NPFFR1: variants seen among roughly 807,000 people sequenced by gnomAD.
The protein encoded by NPFFR1 is neuropeptide FF receptor 1.
Under a neutral mutation model 12.7 loss-of-function variants are expected in NPFFR1, and 17 were observed. The observed-to-expected ratio is 1.34, with a 90% CI of 0.92 to 2.01. The LOEUF is 2.01. NPFFR1 is among the 30% of genes most tolerant of loss of function. The pLI, the probability that NPFFR1 is intolerant of heterozygous loss-of-function variation, is 0.00. For synonymous variants in NPFFR1, 296 were observed against 264.5 expected (o/e 1.12, Z -1.16); for missense variants, 604 against 606.5 (o/e 1.00, Z 0.04).
chr10:70,276,803 T>C (rs943642160), intron 1 of NPFFR1, among the ~76,000 whole-genome samples: 2 of 152,070 alleles, frequency 1.3e-5, no homozygotes, highest in Admixed American at 1.3e-4. Context: ...GCCAGGCTGG[T>C]CTCAAACTCC....
At chr10:70,278,994 T>TTGAGA in intron 1 of NPFFR1, among the ~76,000 whole-genome samples, 1 of 152,226 alleles carries the variant, frequency 6.6e-6, no homozygotes, top group Non-Finnish European at 1.5e-5. Context: ...AATTTATAAT[T>TTGAGA]ATATAAATTT....
chr10:70,268,053 C>A (rs1840714503), intron 1 of NPFFR1, among the ~76,000 whole-genome samples: 1 of 152,046 alleles, frequency 6.6e-6, no homozygotes, highest in Non-Finnish European at 1.5e-5. Context: ...TAAACATATA[C>A]AAGAGTATAA....
intron 2 of NPFFR1, among the ~76,000 whole-genome samples, chr10:70,265,535 C>T (rs1350091074): frequency 1.3e-5 from 2 of 152,168 alleles, no homozygotes; most frequent in African/African-American, 4.8e-5. Context: ...GCAGGACTCT[C>T]TTCTGTGCCC....
Position 70,255,557 on chromosome 10 carries a change from GA to G in NPFFR1, c.692del (p.Leu231ProfsTer229). 2 of 1,550,784 alleles carry G rather than the reference GA, an allele frequency of 1.3e-6. No individual in the cohort carries two copies. Among genetic ancestry groups the G allele is most frequent in the African/African-American group, 2.7e-5 (2 of 73,186 alleles). On this transcript the variant is annotated frameshift_variant, in exon 4 of 4. Transcript: ENST00000277942. LOFTEE classifies it low-confidence loss of function (END_TRUNC). This position sits in a 1 kb window ranked among gnomAD's most constrained non-coding sequence, Gnocchi z 4.2. Reference protein sequence around the residue: ...FSHIYLAPLALIVVMYARIAR... With the variant: ...FSHIYLAPLAXIVVMYARIAR... The stretch of plus-strand genomic sequence containing the variant: ...CGATGCGGGCGTACATGACCACGAT[GA>G]GCGCCAGCGGCGCCAGGTAGATGTG...
chr10:70,279,828 T>C (rs1002507574), intron 1 of NPFFR1, among the ~76,000 whole-genome samples: 1 of 152,164 alleles, frequency 6.6e-6, no homozygotes. Context: ...GCAATAGAAT[T>C]CAAAAAAAGA....
At chr10:70,257,744 A>G (rs577865152) in intron 3 of NPFFR1, among the ~76,000 whole-genome samples, 5 of 152,370 alleles carry the variant, frequency 3.3e-5, no homozygotes, top group South Asian at 2.1e-4. Flanking sequence ...TGAATGTCTC[A>G]GTATAAAACC....
intron 3 of NPFFR1, among the ~76,000 whole-genome samples, chr10:70,258,177 C>T (rs528203735): frequency 5.3e-5 from 8 of 152,216 alleles, no homozygotes; most frequent in African/African-American, 1.7e-4. Flanking sequence ...TCATCCCACC[C>T]GACTTGAAAT....
rs1840477295 is a variant in NPFFR1 at position 70,248,489 on chromosome 10, T to TTTTTTTTTTTG, written c.*6467_*6468insCAAAAAAAAAA. On this transcript the variant is annotated 3_prime_UTR_variant, in exon 4 of 4. Transcript: ENST00000277942. ...GGCGTTTTTTTTTTGTTTTTTGTTT[T>TTTTTTTTTTTG]TTTTTTTTTTTTTTGAGATGGAGTC... The TTTTTTTTTTTG allele has an allele frequency of 1.7e-4, 19 of 113,878 alleles. No homozygotes were observed. The highest frequency in any genetic ancestry group is 4.3e-4 in the Admixed American group (4 of 9,322). The allele number at this position is 113,878 out of a possible 1,614,324, so 7.1% of individuals were successfully genotyped here.
At position 70,273,292 on chromosome 10, in the gene NPFFR1, C is replaced by G. The variant is rs371388122; in HGVS notation, c.8-6901G>C. 1.2e-4 allele frequency among the ~76,000 whole-genome samples: 19 copies of G among 152,302 alleles called. No homozygotes were observed. The South Asian group carries it at 3.7e-3, about 30-fold the overall frequency. ...TTCCATGTGTAGCCGGATTTGAGAA[C>G]CACTGAACCATACAGCCCCTGCCCT... On this transcript the variant is annotated intron_variant, in intron 1 of 3. Transcript: ENST00000277942.
intron 1 of NPFFR1, among the ~76,000 whole-genome samples, chr10:70,276,432 G>T (rs1309484303): frequency 6.6e-6 from 1 of 152,078 alleles, no homozygotes; most frequent in African/African-American, 2.4e-5. Flanking sequence ...ATAACAAAGC[G>T]CTGTGTCTCT....
At chr10:70,271,494 C>T (rs1351518281) in intron 1 of NPFFR1, among the ~76,000 whole-genome samples, 1 of 152,048 alleles carries the variant, frequency 6.6e-6, no homozygotes, top group African/African-American at 2.4e-5. Context: ...GCCTGGCTGA[C>T]AGATCAAGAC....
At chr10:70,263,440 T>C (rs1345505440) in intron 2 of NPFFR1, among the ~76,000 whole-genome samples, 1 of 152,070 alleles carries the variant, frequency 6.6e-6, no homozygotes, top group Non-Finnish European at 1.5e-5. Context: ...GCCCGGCTAA[T>C]TTTTTGTATT....
chr10:70,247,448 GACC>G lies in NPFFR1; in HGVS notation c.*7506_*7508del, dbSNP rs1840461258. 6.6e-6 allele frequency: 1 copy of G among 152,144 alleles called. No homozygotes were observed. The highest frequency in any genetic ancestry group is 6.5e-5 in the Admixed American group (1 of 15,270). The allele number at this position is 152,144 out of a possible 1,614,324, so 9.4% of individuals were successfully genotyped here. On this transcript the variant is annotated 3_prime_UTR_variant, in exon 4 of 4. Transcript: ENST00000277942. Reference sequence around the variant, plus strand: ...ATGATCATTAGAGGTGGCTTCGGAGGACCACGAGACAGCACTATGGACAAACAA... The same window carrying G: ...ATGATCATTAGAGGTGGCTTCGGAGGACGAGACAGCACTATGGACAAACAA...
At chr10:70,273,396 G>A (rs2151832) in intron 1 of NPFFR1, among the ~76,000 whole-genome samples, 151,574 of 152,318 alleles carry the variant, frequency 1, 75,420 homozygotes, top group East Asian at 1. Context: ...ATGCATTTTG[G>A]TTCCTTCACA....
rs922609243 is a variant in NPFFR1 at position 70,253,889 on chromosome 10, G to A, written c.*1068C>T. ...AGCCAGAGTAAACAGGGCTCTCCTG[G>A]TACCTCCTTAGAGTACACAAGTCAT... On this transcript the variant is annotated 3_prime_UTR_variant, in exon 4 of 4. Coordinates refer to ENST00000277942, the MANE Select transcript of NPFFR1 (RefSeq NM_022146.5). 2.1e-4 allele frequency: 32 copies of A among 152,222 alleles called. No individual in the cohort carries two copies. The highest frequency in any genetic ancestry group is 7.2e-4 in the African/African-American group (30 of 41,412). 9.4% of individuals were successfully genotyped at this position (152,222 alleles called of 1,614,324 possible). A position where few individuals can be genotyped will look rare whatever the true frequency, so the allele number is the denominator to read the frequency against.
At chr10:70,272,025 G>A (rs900325766) in intron 1 of NPFFR1, among the ~76,000 whole-genome samples, 2 of 151,814 alleles carry the variant, frequency 1.3e-5, no homozygotes, top group Non-Finnish European at 2.9e-5. Flanking sequence ...GCTGAGGCAG[G>A]AGAGTCGCCT....
At chr10:70,267,807 G>A (rs1352106816) in intron 1 of NPFFR1, among the ~76,000 whole-genome samples, 1 of 152,218 alleles carries the variant, frequency 6.6e-6, no homozygotes, top group African/African-American at 2.4e-5. Context: ...GACCCTCAGA[G>A]GAGCAGGGCC....
At chr10:70,267,895 C>T (rs1398077246) in intron 1 of NPFFR1, among the ~76,000 whole-genome samples, 1 of 152,132 alleles carries the variant, frequency 6.6e-6, no homozygotes, top group Non-Finnish European at 1.5e-5. Flanking sequence ...AGAGGGACTG[C>T]GGCGGGAGGC....
chr10:70,247,424 TG>T lies in NPFFR1; in HGVS notation c.*7532del, dbSNP rs1377441707. 6.6e-6 allele frequency: 1 copy of T among 152,172 alleles called. No individual in the cohort carries two copies. Among genetic ancestry groups the T allele is most frequent in the African/African-American group, 2.4e-5 (1 of 41,426 alleles). 9.4% of individuals were successfully genotyped at this position (152,172 alleles called of 1,614,324 possible). On this transcript the variant is annotated 3_prime_UTR_variant, in exon 4 of 4. Transcript: ENST00000277942. ...TAGAGAAGAATAAAAGAGGCAATTA[TG>T]ATCATTAGAGGTGGCTTCGGAGGAC...
Sources: allele counts gnomAD v4.1 joint callset (sites outside exome capture counted in the v4.1 genomes callset), GRCh38; gene constraint gnomAD v4.1.1; non-coding constraint Gnocchi (gnomAD v3.1); transcripts MANE v1.5; gene names NCBI Gene and HGNC (gene_info 2026-07-23, HGNC 2026-07-21).